CADM2: variants seen among roughly 807,000 people sequenced by gnomAD.
CADM2 encodes immunoglobulin superfamily member 4D.
In CADM2, 12 loss-of-function variants were observed where a neutral mutation model predicts 49.8. The ratio of observed to expected loss-of-function variants is 0.24; its 90% CI spans 0.15 to 0.39. The LOEUF is 0.39. Among genes scored for constraint, CADM2 ranks in the 10% least tolerant of loss-of-function variants. CADM2 has a pLI of 1.00. For synonymous variants in CADM2, 214 were observed against 175.4 expected, an observed-to-expected ratio of 1.22 and a Z score of -1.74; for missense variants, 378 against 492.3, an observed-to-expected ratio of 0.77 and a Z score of 2.20.
chr3:85,016,700 G>T (rs1339763459), intron 1 of CADM2, among the ~76,000 whole-genome samples: 1 of 152,028 alleles, frequency 6.6e-6, no homozygotes, highest in Non-Finnish European at 1.5e-5. Flanking sequence ...CGCTGAGGCA[G>T]GAGAATCGCT....
At chr3:85,285,992 A>G (rs61080412) in intron 1 of CADM2, among the ~76,000 whole-genome samples, 9,997 of 152,128 alleles carry the variant, frequency 0.066, 1,075 homozygotes, top group African/African-American at 0.23. Flanking sequence ...CACTGGTAAA[A>G]TGAAAGGCGC....
chr3:85,734,322 T>C (rs1239806772), intron 2 of CADM2, among the ~76,000 whole-genome samples: 1 of 151,892 alleles, frequency 6.6e-6, no homozygotes, highest in Non-Finnish European at 1.5e-5. Flanking sequence ...AATGCCCAAA[T>C]AGGAGAAGTC....
At chr3:85,158,524 G>A (rs2040213964) in intron 1 of CADM2, among the ~76,000 whole-genome samples, 1 of 152,166 alleles carries the variant, frequency 6.6e-6, no homozygotes, top group African/African-American at 2.4e-5. Context: ...AAAATGATGA[G>A]TTCATGTCCT....
At chr3:85,624,884 G>T (rs2064079571) in intron 1 of CADM2, among the ~76,000 whole-genome samples, 1 of 152,052 alleles carries the variant, frequency 6.6e-6, no homozygotes, top group Admixed American at 6.6e-5. Flanking sequence ...TACATCAGCA[G>T]ATCATGGAGA....
chr3:85,728,574 C>T (rs1238122001), intron 2 of CADM2, among the ~76,000 whole-genome samples: 1 of 151,742 alleles, frequency 6.6e-6, no homozygotes, highest in African/African-American at 2.4e-5. Flanking sequence ...AAATAAAACC[C>T]AAGATAATAT....
At chr3:85,777,965 T>G (rs954402796) in intron 2 of CADM2, among the ~76,000 whole-genome samples, 2 of 152,122 alleles carry the variant, frequency 1.3e-5, no homozygotes, top group African/African-American at 2.4e-5. Flanking sequence ...TACGTAGGTG[T>G]TATATTGTCT....
At position 85,359,655 on chromosome 3, in the gene CADM2, TATATATA is replaced by T. The variant is rs1285656770; in HGVS notation, c.62-366866_62-366860del. ...ATGTCAGCATATATATATATATATATATATATATATATTTTTTTTTTTGGTGGAGGGG... is the reference window on the plus strand; with the variant it reads ...ATGTCAGCATATATATATATATATATTATATTTTTTTTTTTGGTGGAGGGG... On this transcript the variant is annotated intron_variant, in intron 1 of 9. Transcript: ENST00000383699. Among the ~76,000 whole-genome samples, 26 of 18,228 alleles carry T rather than the reference TATATATA, an allele frequency of 1.4e-3. 2 individuals are homozygous for T. The highest frequency in any genetic ancestry group is 3.5e-3 in the Non-Finnish European group (16 of 4,584). The allele number at this position is 18,228 out of a possible 152,430, so 12.0% of individuals were successfully genotyped here.
chr3:85,263,649 G>A (rs1174705219), intron 1 of CADM2, among the ~76,000 whole-genome samples: 2 of 151,946 alleles, frequency 1.3e-5, no homozygotes, highest in Non-Finnish European at 2.9e-5. Context: ...AATTACTGTT[G>A]TCTAAAACAA....
chr3:85,054,972 C>G (rs1408792907), intron 1 of CADM2, among the ~76,000 whole-genome samples: 1 of 151,790 alleles, frequency 6.6e-6, no homozygotes, highest in Admixed American at 6.6e-5. Context: ...GTAGTTGTGG[C>G]CTTATAAATA....
intron 1 of CADM2, among the ~76,000 whole-genome samples, chr3:85,331,677 A>G (rs1484568001): frequency 1.3e-5 from 2 of 152,036 alleles, no homozygotes; most frequent in Middle Eastern, 3.4e-3. Flanking sequence ...GACCTATTAT[A>G]TTATTTGAGG....
intron 1 of CADM2, among the ~76,000 whole-genome samples, chr3:85,507,785 T>C (rs931795291): frequency 6.6e-6 from 1 of 152,214 alleles, no homozygotes; most frequent in Non-Finnish European, 1.5e-5. Flanking sequence ...TCAAAATGTA[T>C]CAAAGAAAGT....
At chr3:85,575,032 T>G (rs1252665355) in intron 1 of CADM2, among the ~76,000 whole-genome samples, 1 of 152,080 alleles carries the variant, frequency 6.6e-6, no homozygotes. Flanking sequence ...TTTAAAAATA[T>G]TTAGGCATGT....
chr3:85,296,431 T>C (rs1190344068), intron 1 of CADM2, among the ~76,000 whole-genome samples: 1 of 152,056 alleles, frequency 6.6e-6, no homozygotes, highest in Non-Finnish European at 1.5e-5. Flanking sequence ...CAATTTTTTT[T>C]TTCTATTTTA....
In CADM2 at chr3:86,031,660, G is replaced by T. The variant is rs1734571733; in HGVS notation, c.971-33945G>T. ...ATCCTTATACAGGTACCTTCCAAAA[G>T]AATAGCTCATAGATATTTTATTTTC... is the stretch of plus-strand genomic sequence containing the variant. On this transcript the variant is annotated intron_variant, in intron 8 of 9. Coordinates refer to ENST00000383699, the MANE Select transcript of CADM2 (RefSeq NM_001167675.2). 1.3e-5 allele frequency among the ~76,000 whole-genome samples: 2 copies of T among 151,642 alleles called. 1 individual carries two copies. The highest frequency in any genetic ancestry group is 4.1e-4 in the South Asian group (2 of 4,832).
At chr3:86,016,122 CAT>C in intron 8 of CADM2, among the ~76,000 whole-genome samples, 1 of 152,118 alleles carries the variant, frequency 6.6e-6, no homozygotes, top group Non-Finnish European at 1.5e-5. Context: ...GTAATTAACT[CAT>C]GTCAGTCTTT....
At position 85,898,937 on chromosome 3, in the gene CADM2, G is replaced by GTGTATATATA. The variant is rs796467067; in HGVS notation, c.529+12611_529+12612insGTATATATAT. ...TCATAAAATCCAATTCATTTATTGT[G>GTGTATATATA]TATATATATATATATATATTTTTTT... is the stretch of plus-strand genomic sequence containing the variant. On this transcript the variant is annotated intron_variant, in intron 5 of 9. Transcript: ENST00000383699. Among the ~76,000 whole-genome samples the GTGTATATATA allele has an allele frequency of 1.6e-3, 76 of 46,684 alleles. 1 individual carries two copies. The highest frequency in any genetic ancestry group is 0.015 in the Middle Eastern group (1 of 68). The allele number at this position is 46,684 out of a possible 152,430, so 30.6% of individuals were successfully genotyped here.
At chr3:85,373,850 C>G (rs1460821059) in intron 1 of CADM2, among the ~76,000 whole-genome samples, 2 of 152,162 alleles carry the variant, frequency 1.3e-5, no homozygotes. Context: ...ACACAGAGAA[C>G]CAAGTCCCCA....
chr3:85,495,595 C>T (rs995455503), intron 1 of CADM2, among the ~76,000 whole-genome samples: 2 of 151,948 alleles, frequency 1.3e-5, no homozygotes, highest in African/African-American at 4.8e-5. Flanking sequence ...TTATCCTAAC[C>T]AAAGACCAAA....
intron 7 of CADM2, among the ~76,000 whole-genome samples, chr3:85,942,448 A>G (rs973544388): frequency 6.6e-6 from 1 of 151,216 alleles, no homozygotes; most frequent in Non-Finnish European, 1.5e-5. Context: ...CTTGTCATCT[A>G]GCATTAGGTA....
Sources: allele counts gnomAD v4.1 joint callset (sites outside exome capture counted in the v4.1 genomes callset), GRCh38; gene constraint gnomAD v4.1.1; transcripts MANE v1.5; gene names NCBI Gene and HGNC (gene_info 2026-07-23, HGNC 2026-07-21).